Variants in PTPRG observed in about 807,000 individuals in gnomAD.
PTPRG encodes the protein receptor-type tyrosine-protein phosphatase gamma.
A neutral mutation model predicts 165.3 loss-of-function variants in PTPRG; 102 were observed. The observed-to-expected ratio is 0.62, with a 90% CI of 0.53 to 0.73. The LOEUF is 0.73. PTPRG is among the 30% of genes least tolerant of loss of function. PTPRG has a pLI of 0.00. For synonymous variants in PTPRG, 675 were observed against 669.5 expected (o/e 1.01, Z -0.13); for missense variants, 1,866 against 1,861.4 (o/e 1.00, Z -0.05).
At chr3:61,736,710 G>C (rs535199143) in intron 1 of PTPRG, among the ~76,000 whole-genome samples, 12 of 152,252 alleles carry the variant, frequency 7.9e-5, no homozygotes, top group Non-Finnish European at 1.0e-4. Context: ...GATTCGTCTT[G>C]ACTCACCCTG....
At chr3:62,243,445 T>A (rs1330453662) in intron 14 of PTPRG, 1 of 158,958 alleles carries the variant, frequency 6.3e-6, no homozygotes, top group African/African-American at 2.4e-5. Context: ...GGATTTAGAA[T>A]AGCAAATTAT....
chr3:62,205,760 G>T (rs1221410626), intron 12 of PTPRG, among the ~76,000 whole-genome samples: 2 of 152,164 alleles, frequency 1.3e-5, no homozygotes, highest in Admixed American at 1.3e-4. Flanking sequence ...AGAGATTGAT[G>T]GAGGTGCTCT....
At chr3:62,092,284 AC>A (rs1245358103) in intron 5 of PTPRG, among the ~76,000 whole-genome samples, 2 of 151,816 alleles carry the variant, frequency 1.3e-5, no homozygotes, top group Non-Finnish European at 2.9e-5. Context: ...TACTAAAAAT[AC>A]AAAATTTAGC....
chr3:61,567,204 C>T (rs1045721436), intron 1 of PTPRG, among the ~76,000 whole-genome samples: 2 of 152,156 alleles, frequency 1.3e-5, no homozygotes, highest in African/African-American at 2.4e-5. Flanking sequence ...GAGTACACTG[C>T]TCCCCACCTT....
intron 1 of PTPRG, among the ~76,000 whole-genome samples, chr3:61,683,088 AT>A (rs1181441162): frequency 6.6e-6 from 1 of 152,204 alleles, no homozygotes; most frequent in Admixed American, 6.5e-5. Flanking sequence ...TTGCTGACTA[AT>A]TACAGGGATG....
At chr3:61,942,712 A>G (rs1051916819) in intron 2 of PTPRG, among the ~76,000 whole-genome samples, 4 of 152,226 alleles carry the variant, frequency 2.6e-5, no homozygotes, top group Admixed American at 6.5e-5. Context: ...GACCTGGACA[A>G]TTCTGTTACA....
chr3:61,935,339 T>G (rs576492701), intron 2 of PTPRG, among the ~76,000 whole-genome samples: 2 of 152,334 alleles, frequency 1.3e-5, no homozygotes, highest in Non-Finnish European at 2.9e-5. Context: ...GTGCTTTTGA[T>G]GGACATCCTG....
At chr3:62,074,344 T>TTTTCTTTTCTTTTC (rs369755117) in intron 4 of PTPRG, among the ~76,000 whole-genome samples, 1 of 124,208 alleles carries the variant, frequency 8.1e-6, no homozygotes, top group African/African-American at 3.4e-5. Context: ...CTTTCTTTTC[T>TTTTCTTTTCTTTTC]TTTCTTTCTT....
chr3:61,697,696 T>C (rs1171557895), intron 1 of PTPRG, among the ~76,000 whole-genome samples: 2 of 152,228 alleles, frequency 1.3e-5, no homozygotes, highest in Non-Finnish European at 2.9e-5. Flanking sequence ...GTCTGTCCTT[T>C]GGGCTCATTC....
chr3:61,638,603 T>G (rs1341727017), intron 1 of PTPRG, among the ~76,000 whole-genome samples: 1 of 142,000 alleles, frequency 7.0e-6, no homozygotes, highest in African/African-American at 2.5e-5. Context: ...TTTTTTTTTT[T>G]TTTTTTTTTT....
At chr3:62,137,669 T>C (rs1703762838) in intron 6 of PTPRG, among the ~76,000 whole-genome samples, 1 of 152,018 alleles carries the variant, frequency 6.6e-6, no homozygotes, top group Non-Finnish European at 1.5e-5. Context: ...CTTTTTTTGG[T>C]GCAAGTTTGG....
At chr3:62,186,567 C>CCTTTTTTTTTTT (rs1705895088) in intron 8 of PTPRG, among the ~76,000 whole-genome samples, 2 of 117,542 alleles carry the variant, frequency 1.7e-5, no homozygotes, top group African/African-American at 7.0e-5. Context: ...TTTTCTTTTC[C>CCTTTTTTTTTTT]TTTTTTTTTT....
At chr3:61,761,594 C>G (rs980684104) in intron 2 of PTPRG, among the ~76,000 whole-genome samples, 20 of 151,626 alleles carry the variant, frequency 1.3e-4, no homozygotes, top group Non-Finnish European at 2.4e-4. Flanking sequence ...AAGAAACAAA[C>G]AAACAAACAA....
intron 1 of PTPRG, among the ~76,000 whole-genome samples, chr3:61,668,680 T>A (rs1418309410): frequency 2.0e-5 from 3 of 152,218 alleles, no homozygotes; most frequent in African/African-American, 7.2e-5. Context: ...TCGCTTTTTT[T>A]TAAAAAAGGT....
chr3:61,881,995 G>A, intron 2 of PTPRG, among the ~76,000 whole-genome samples: 1 of 152,278 alleles, frequency 6.6e-6, no homozygotes, highest in African/African-American at 2.4e-5. Flanking sequence ...TTTTCCTCAT[G>A]GAGTCTCATG....
At chr3:62,133,821 C>T (rs953863416) in intron 6 of PTPRG, among the ~76,000 whole-genome samples, 3 of 151,994 alleles carry the variant, frequency 2.0e-5, no homozygotes, top group Non-Finnish European at 2.9e-5. Context: ...TCTGTCTCTA[C>T]TAAATACAAA....
intron 2 of PTPRG, among the ~76,000 whole-genome samples, chr3:61,913,372 A>C (rs1470853365): frequency 6.6e-6 from 1 of 152,116 alleles, no homozygotes; most frequent in African/African-American, 2.4e-5. Context: ...GGTGCCCGCC[A>C]CCACGCCCGC....
In PTPRG at chr3:62,213,478, C is replaced by T. The variant is rs1700415765; in HGVS notation, c.2156-5373C>T. 6.6e-6 allele frequency among the ~76,000 whole-genome samples: 1 copy of T among 152,168 alleles called. No homozygotes were observed. Among genetic ancestry groups the T allele is most frequent in the African/African-American group, 2.4e-5 (1 of 41,434 alleles). ...AGCCATAACTTACATAGTCTGTTTT[C>T]ACACGGACGATCTTTTTTCATCCTC... On this transcript the variant is annotated intron_variant, in intron 12 of 29. Coordinates refer to ENST00000474889, the MANE Select transcript of PTPRG (RefSeq NM_002841.4). This position sits in a 1 kb window ranked among gnomAD's most constrained non-coding sequence, Gnocchi z 4.4.
chr3:62,088,097 T>A (rs1230872694), intron 5 of PTPRG, among the ~76,000 whole-genome samples: 1 of 152,056 alleles, frequency 6.6e-6, no homozygotes, highest in Non-Finnish European at 1.5e-5. Context: ...AGTTCTGAAG[T>A]GGGGAGGGAG....
Sources: allele counts gnomAD v4.1 joint callset (sites outside exome capture counted in the v4.1 genomes callset), GRCh38; gene constraint gnomAD v4.1.1; non-coding constraint Gnocchi (gnomAD v3.1); transcripts MANE v1.5; gene names NCBI Gene and HGNC (gene_info 2026-07-23, HGNC 2026-07-21).